Variants in TRPC7 observed in about 807,000 individuals in gnomAD.
TRPC7 encodes short transient receptor potential channel 7.
TRPC7 carries 42 observed loss-of-function variants against 90.1 expected under a neutral mutation model. The observed-to-expected ratio is 0.47, with a 90% confidence interval of 0.36 to 0.60. The LOEUF (loss-of-function observed/expected upper bound fraction) is 0.60, where lower values mean the gene tolerates loss of function less well. Ranked by LOEUF, TRPC7 falls within the 20% of genes least tolerant of loss-of-function variation. TRPC7 has a pLI of 0.00. For missense variants in TRPC7, 955 were observed against 1,112.3 expected, an observed-to-expected ratio of 0.86 and a Z score of 2.01; for synonymous variants, 451 against 436.3, an observed-to-expected ratio of 1.03 and a Z score of -0.42.
intron 2 of TRPC7, among the ~76,000 whole-genome samples, chr5:136,333,801 G>A (rs1032375110): frequency 6.6e-6 from 1 of 152,228 alleles, no homozygotes; most frequent in Non-Finnish European, 1.5e-5. Context: ...TTCCTAACAT[G>A]TTAATGTCTG....
At chr5:136,328,387 AAAC>A (rs765719773) in intron 2 of TRPC7, among the ~76,000 whole-genome samples, 4 of 152,190 alleles carry the variant, frequency 2.6e-5, no homozygotes, top group Non-Finnish European at 5.9e-5. Context: ...TATTAATCCC[AAAC>A]ATACTCCCTG....
chr5:136,231,639 C>A, intron 7 of TRPC7, 90 bp from the exon 8 acceptor site: 2 of 1,255,736 alleles, frequency 1.6e-6, no homozygotes, highest in Non-Finnish European at 2.2e-6. Flanking sequence ...GGGTCTCACT[C>A]TGTTGCCTAG....
At chr5:136,216,304 AC>A in intron 10 of TRPC7, 29 bp from the exon 11 acceptor site, 1 of 1,588,054 alleles carries the variant, frequency 6.3e-7, no homozygotes, top group African/African-American at 1.3e-5. Context: ...AAGGGATCAG[AC>A]AGGGCTGGCC....
chr5:136,235,402 G>A (rs573483084), intron 7 of TRPC7, among the ~76,000 whole-genome samples: 1 of 152,306 alleles, frequency 6.6e-6, no homozygotes, highest in African/African-American at 2.4e-5. Context: ...TCACTACCCT[G>A]AGTGGGAAAT....
At chr5:136,311,858 C>T (rs1758844238) in intron 3 of TRPC7, among the ~76,000 whole-genome samples, 1 of 152,168 alleles carries the variant, frequency 6.6e-6, no homozygotes, top group Admixed American at 6.6e-5. Context: ...AGAGAAATGT[C>T]CTAAAGTAAT....
chr5:136,365,392 G>A lies in TRPC7; in HGVS notation c.-138C>T. The A allele has an allele frequency of 1.1e-6, 1 of 872,596 alleles. No homozygotes were observed. Among genetic ancestry groups the A allele is most frequent in the East Asian group, 2.7e-5 (1 of 37,708 alleles). The allele number at this position is 872,596 out of a possible 1,614,324, so 54.1% of individuals were successfully genotyped here. A position where few individuals can be genotyped will look rare whatever the true frequency, so the allele number is the denominator to read the frequency against. ...TGCTGAAGTATAGAGCTGGTCAAGT[G>A]AGTTAAGTTGCAACGATGTGAAAGC... is the stretch of plus-strand genomic sequence containing the variant. On this transcript the variant is annotated 5_prime_UTR_variant, in exon 1 of 12. Coordinates refer to ENST00000513104, the MANE Select transcript of TRPC7 (RefSeq NM_020389.3).
chr5:136,360,238 T>C (rs1318013817), intron 1 of TRPC7, among the ~76,000 whole-genome samples: 2 of 152,312 alleles, frequency 1.3e-5, no homozygotes, highest in East Asian at 3.9e-4. Context: ...CACTGCAGCC[T>C]ACAAACTTAA....
At chr5:136,273,673 A>G (rs1424769006) in intron 4 of TRPC7, among the ~76,000 whole-genome samples, 1 of 152,214 alleles carries the variant, frequency 6.6e-6, no homozygotes, top group Non-Finnish European at 1.5e-5. Flanking sequence ...TTTATTAACC[A>G]CATTACCTGA....
rs78562303 is a variant in TRPC7, at chr5:136,238,380, G to A, written c.1845-6831C>T. Among the ~76,000 whole-genome samples the A allele has an allele frequency of 2.0e-3, 298 of 152,260 alleles. 2 individuals carry two copies. Among genetic ancestry groups the A allele is most frequent in the East Asian group, 0.012 (61 of 5,176 alleles). ...TCAGAATAGTGTCCAGCTTGTAGCT[G>A]GGGGGAGGGGTCAGTGAACATTTTT... is the stretch of plus-strand genomic sequence containing the variant. On this transcript the variant is annotated intron_variant, in intron 7 of 11. Transcript: ENST00000513104.
intron 5 of TRPC7, among the ~76,000 whole-genome samples, chr5:136,252,978 A>G (rs980755134): frequency 4.6e-5 from 7 of 152,222 alleles, no homozygotes; most frequent in Admixed American, 2.0e-4. Flanking sequence ...GTCCAATACC[A>G]TAGCCACCAA....
At chr5:136,219,416 C>G (rs1258463357) in intron 10 of TRPC7, among the ~76,000 whole-genome samples, 1 of 152,224 alleles carries the variant, frequency 6.6e-6, no homozygotes, top group East Asian at 1.9e-4. Context: ...CAGGGCACTT[C>G]CCAGAGTGAC....
chr5:136,298,983 G>A (rs1758277365), intron 3 of TRPC7, among the ~76,000 whole-genome samples: 1 of 151,954 alleles, frequency 6.6e-6, no homozygotes, highest in South Asian at 2.1e-4. Flanking sequence ...TTAACTGTGG[G>A]CATGACATGA....
intron 3 of TRPC7, among the ~76,000 whole-genome samples, chr5:136,279,718 C>A (rs138163487): frequency 6.6e-6 from 1 of 152,216 alleles, no homozygotes; most frequent in Non-Finnish European, 1.5e-5. Flanking sequence ...GAAGTGGAAG[C>A]TATTTCCAGC....
chr5:136,318,597 C>T (rs1210108773), intron 2 of TRPC7, among the ~76,000 whole-genome samples: 1 of 152,224 alleles, frequency 6.6e-6, no homozygotes, highest in Non-Finnish European at 1.5e-5. Context: ...AGATGACCCT[C>T]ACATTCCCTG....
At position 136,356,990 on chromosome 5, in the gene TRPC7, T is replaced by G; in HGVS notation, c.398A>C (p.Gln133Pro). 4.3e-6 allele frequency: 7 copies of G among 1,612,522 alleles called. No individual in the cohort carries two copies. The highest frequency in any genetic ancestry group is 5.9e-6 in the Non-Finnish European group (7 of 1,179,794). Residue 133 changes from glutamine to proline, a missense_variant, in exon 2 of 12, where the codon CAG (glutamine) becomes CCG (proline). Physicochemically the swap from Gln to Pro is moderately conservative, Grantham distance 76. Coordinates refer to ENST00000513104, the MANE Select transcript of TRPC7 (RefSeq NM_020389.3). ...CGGGCTGAGCGTCAGGCGCTGGCCC[T>G]GCGCGAAGGCCGGGTGGTTGAGGAT... ...EAILNHPAFA[Q>P]GQRLTLSPLE...
At chr5:136,218,824 C>T (rs920154488) in intron 10 of TRPC7, among the ~76,000 whole-genome samples, 2 of 152,118 alleles carry the variant, frequency 1.3e-5, no homozygotes, top group Admixed American at 1.3e-4. Flanking sequence ...TTGTGTCAGC[C>T]TCTCATAAAA....
intron 2 of TRPC7, among the ~76,000 whole-genome samples, chr5:136,316,273 C>T (rs1250929962): frequency 2.0e-5 from 3 of 152,094 alleles, no homozygotes; most frequent in East Asian, 1.9e-4. Flanking sequence ...AATAACACTT[C>T]GCTCATTTAC....
rs1188061664 is a variant in TRPC7 at position 136,225,214 on chromosome 5, C to T, written c.2343+60G>A. ...GGATGACACAGTCATGGGACTAAAT[C>T]TGTGTCTTAGTGGAGTCTACTTCTG... On this transcript the variant is annotated intron_variant, in intron 10 of 11. Transcript: ENST00000513104. 4.1e-6 allele frequency: 6 copies of T among 1,472,674 alleles called. No individual in the cohort carries two copies. The African/African-American group carries it at 7.0e-5, about 17-fold the overall frequency. The allele number at this position is 1,472,674 out of a possible 1,614,324, so 91.2% of individuals were successfully genotyped here.
intron 5 of TRPC7, among the ~76,000 whole-genome samples, chr5:136,258,834 A>G (rs1756766357): frequency 6.6e-6 from 1 of 152,194 alleles, no homozygotes; most frequent in South Asian, 2.1e-4. Context: ...AGGGCATTGC[A>G]TCTGCCTCTC....
Sources: allele counts gnomAD v4.1 joint callset (sites outside exome capture counted in the v4.1 genomes callset), GRCh38; gene constraint gnomAD v4.1.1; transcripts MANE v1.5; gene names NCBI Gene and HGNC (gene_info 2026-07-23, HGNC 2026-07-21).